Variants in NAPA observed in about 807,000 individuals in gnomAD.
NAPA encodes alpha-soluble NSF attachment protein.
Under a neutral mutation model 48.0 loss-of-function variants are expected in NAPA, and 18 were observed. The observed-to-expected ratio is 0.38, with a 90% CI of 0.26 to 0.56. The LOEUF (loss-of-function observed/expected upper bound fraction) is 0.56. NAPA is among the 20% of genes least tolerant of loss of function. The probability of loss-of-function intolerance (pLI) is 0.77; values close to 1 mark genes in which losing one functional copy is unlikely to be tolerated. For synonymous variants in NAPA, 152 were observed against 149.9 expected (o/e 1.01, Z -0.10); for missense variants, 315 against 385.0 (o/e 0.82, Z 1.52).
rs115714012 is a variant in NAPA, at chr19:47,495,640, C to T, written c.296-44G>A. 1.3e-3 allele frequency: 2,133 copies of T among 1,599,976 alleles called. 25 individuals are homozygous for T. In the African/African-American group the frequency reaches 0.026, roughly 19 times the overall value. ...GGGAGGAGACATGAGAAAGTGAAGT[C>T]GTTTCAGCAGAAGCTGAGGAGAGGA... On this transcript the variant is annotated intron_variant, in intron 3 of 10. Transcript: ENST00000263354.
Position 47,493,624 on chromosome 19 carries a change from G to C in NAPA, c.343-131C>G. On this transcript the variant is annotated intron_variant, in intron 4 of 10. Transcript: ENST00000263354. The surrounding 1 kb of genome is among the most constrained non-coding windows in gnomAD (Gnocchi z 6.4). The stretch of plus-strand genomic sequence containing the variant: ...GAGGTATGAAGAAGACCTGAGGTGT[G>C]AAGAAGATCGAGAGGTGGGGGAACA... 1.3e-6 allele frequency: 1 copy of C among 754,890 alleles called. No homozygotes were observed. 46.8% of individuals were successfully genotyped at this position (754,890 alleles called of 1,614,324 possible). A position where few individuals can be genotyped will look rare whatever the true frequency, so the allele number is the denominator to read the frequency against.
At chr19:47,490,965 T>C in intron 8 of NAPA, 109 bp from the exon 9 acceptor site, 2 of 882,256 alleles carry the variant, frequency 2.3e-6, no homozygotes, top group Non-Finnish European at 3.6e-6. Flanking sequence ...GAGTCAGCTC[T>C]TGCACCCCTC....
Position 47,488,227 on chromosome 19 carries a change from G to C in NAPA, c.*61C>G, listed in dbSNP as rs957654120. 7.5e-6 allele frequency: 11 copies of C among 1,467,872 alleles called. No homozygotes were observed. The African/African-American group carries it at 1.2e-4, about 17-fold the overall frequency. 90.9% of individuals were successfully genotyped at this position (1,467,872 alleles called of 1,614,324 possible). A position where few individuals can be genotyped will look rare whatever the true frequency, so the allele number is the denominator to read the frequency against. Reference sequence around the variant, plus strand: ...GGAGGGAAGCTCTCCAGCAAGTCTCGGCCCCACCTCTCTCTGAGCAGATGG... The same window carrying C: ...GGAGGGAAGCTCTCCAGCAAGTCTCCGCCCCACCTCTCTCTGAGCAGATGG... On this transcript the variant is annotated 3_prime_UTR_variant, in exon 11 of 11. Transcript: ENST00000263354.
At chr19:47,496,976 A>G in intron 3 of NAPA, 1 of 368,476 alleles carries the variant, frequency 2.7e-6, no homozygotes, top group Non-Finnish European at 5.6e-6. Context: ...CTGTGGCAGC[A>G]GACAGTGGAA....
downstream of NAPA, among the ~76,000 whole-genome samples, chr19:47,487,270 C>T (rs968097661): frequency 2.6e-5 from 4 of 152,190 alleles, no homozygotes; most frequent in East Asian, 3.9e-4. Context: ...ATGGGAGATT[C>T]GGTGGGCTTC....
chr19:47,511,294 A>G (rs1968800714), intron 1 of NAPA, among the ~76,000 whole-genome samples: 1 of 152,128 alleles, frequency 6.6e-6, no homozygotes, highest in Non-Finnish European at 1.5e-5. Flanking sequence ...CCCGCCCGCC[A>G]AGCAGGTCCT....
chr19:47,487,563 G>C (rs1192720458), downstream of NAPA: 4 of 152,410 alleles, frequency 2.6e-5, no homozygotes, highest in Admixed American at 1.3e-4. Context: ...GAGTCTGGGG[G>C]ACCAGGAGTG....
intron 1 of NAPA, among the ~76,000 whole-genome samples, chr19:47,510,835 T>C (rs1040387693): frequency 9.2e-5 from 14 of 152,176 alleles, no homozygotes; most frequent in African/African-American, 3.4e-4. Context: ...AGTCTCCGTC[T>C]TTTTGCTTCC....
intron 1 of NAPA, among the ~76,000 whole-genome samples, chr19:47,504,664 C>T (rs1293617963): frequency 2.0e-5 from 3 of 151,426 alleles, no homozygotes; most frequent in African/African-American, 7.3e-5. Flanking sequence ...CACACGTGTA[C>T]ATATATACAC....
intron 8 of NAPA, 41 bp from the exon 9 acceptor site, chr19:47,490,897 G>A (rs780540658): frequency 1.3e-6 from 2 of 1,587,168 alleles, no homozygotes; most frequent in East Asian, 2.2e-5. Flanking sequence ...AGTAACAAGA[G>A]GGTCCTCAGA....
chr19:47,493,254 CCCTG>C lies in NAPA; in HGVS notation c.421-84_421-81del. On this transcript the variant is annotated intron_variant, in intron 5 of 10. Coordinates refer to ENST00000263354, the MANE Select transcript of NAPA (RefSeq NM_003827.4). The surrounding 1 kb of genome is among the most constrained non-coding windows in gnomAD (Gnocchi z 6.4). ...CTCCGTGAAGCTTCCACACCCTCCGCCCTGCCTGCCTGGGACACAGCCAGACCCC... is the reference window on the plus strand; with the variant it reads ...CTCCGTGAAGCTTCCACACCCTCCGCCCTGCCTGGGACACAGCCAGACCCC... The C allele has an allele frequency of 6.6e-7, 1 of 1,508,242 alleles. No individual in the cohort carries two copies. 93.4% of individuals were successfully genotyped at this position (1,508,242 alleles called of 1,614,324 possible).
intron 2 of NAPA, 93 bp from the exon 3 acceptor site, chr19:47,500,842 T>C: frequency 4.1e-6 from 4 of 973,856 alleles, no homozygotes; most frequent in Non-Finnish European, 6.0e-6. Context: ...GGTCGGGCTC[T>C]CGAGAATGCG....
Position 47,492,297 on chromosome 19 carries a change from T to TGC in NAPA, c.562-180_562-179dup, listed in dbSNP as rs1254168678. On this transcript the variant is annotated intron_variant, in intron 7 of 10. Coordinates refer to ENST00000263354, the MANE Select transcript of NAPA (RefSeq NM_003827.4). ...CCAGCTTGGAGAGGTCAGCGGCCAGTGCGTGAGCGACCAAGATCAGGGTGT... is the reference window on the plus strand; with the variant it reads ...CCAGCTTGGAGAGGTCAGCGGCCAGTGCGCGTGAGCGACCAAGATCAGGGTGT... The TGC allele has an allele frequency of 1.4e-5, 8 of 582,204 alleles. No homozygotes were observed. The African/African-American group carries it at 1.5e-4, about 11-fold the overall frequency. The allele number at this position is 582,204 out of a possible 1,614,324, so 36.1% of individuals were successfully genotyped here.
At chr19:47,504,675 A>G (rs945284771) in intron 1 of NAPA, among the ~76,000 whole-genome samples, 32 of 151,758 alleles carry the variant, frequency 2.1e-4, no homozygotes, top group African/African-American at 7.3e-4. Flanking sequence ...ATATATACAC[A>G]TGTGTATATA....
chr19:47,493,858 C>T lies in NAPA; in HGVS notation c.343-365G>A, dbSNP rs1387055235. On this transcript the variant is annotated intron_variant, in intron 4 of 10. Coordinates refer to ENST00000263354, the MANE Select transcript of NAPA (RefSeq NM_003827.4). The surrounding 1 kb of genome is among the most constrained non-coding windows in gnomAD (Gnocchi z 6.4). ...AAGCCTCTGATAACAGCCAGAGAGG[C>T]GGAAGGACCAGTCCAGAGCCACTTG... 2.6e-5 allele frequency among the ~76,000 whole-genome samples: 4 copies of T among 152,242 alleles called. No individual in the cohort carries two copies. The highest frequency in any genetic ancestry group is 2.1e-4 in the South Asian group (1 of 4,830).
chr19:47,485,081 A>G (rs1222009758), downstream of NAPA, among the ~76,000 whole-genome samples: 1 of 152,128 alleles, frequency 6.6e-6, no homozygotes, highest in Non-Finnish European at 1.5e-5. Flanking sequence ...ATCCAGCTAT[A>G]ATAACCACCT....
chr19:47,493,718 T>C lies in NAPA; in HGVS notation c.343-225A>G. Reference sequence around the variant, plus strand: ...GCGTGCTGGGCTGAGCGGGTGATGTTGGACAAGCCACTCCAGGGCCTTAGC... The same window carrying C: ...GCGTGCTGGGCTGAGCGGGTGATGTCGGACAAGCCACTCCAGGGCCTTAGC... On this transcript the variant is annotated intron_variant, in intron 4 of 10. Transcript: ENST00000263354. The surrounding 1 kb of genome is among the most constrained non-coding windows in gnomAD (Gnocchi z 6.4). The C allele has an allele frequency of 1.8e-6, 1 of 557,928 alleles. No individual in the cohort carries two copies. Among genetic ancestry groups the C allele is most frequent in the Admixed American group, 3.0e-5 (1 of 33,164 alleles). The allele number at this position is 557,928 out of a possible 1,614,324, so 34.6% of individuals were successfully genotyped here.
chr19:47,492,256 G>A, intron 7 of NAPA, 137 bp from the exon 8 acceptor site: 1 of 719,362 alleles, frequency 1.4e-6, no homozygotes, highest in Admixed American at 2.7e-5. Flanking sequence ...GGACCCCAAG[G>A]GCAGGGAGCC....
intron 8 of NAPA, among the ~76,000 whole-genome samples, 171 bp downstream of exon 8, chr19:47,491,844 A>G (rs1203369209): frequency 6.6e-6 from 1 of 152,088 alleles, no homozygotes; most frequent in African/African-American, 2.4e-5. Context: ...TGGGCAGGTG[A>G]TGCCAGCACA....
Sources: gnomAD v4.1 joint callset for allele counts (sites outside exome capture counted in the v4.1 genomes callset) on GRCh38, gnomAD v4.1.1 for gene constraint, Gnocchi (gnomAD v3.1) non-coding constraint, MANE v1.5 for transcripts, NCBI Gene and HGNC (gene_info 2026-07-23, HGNC 2026-07-21) for gene names.